The following PDE1C variants were observed in gnomAD, a reference collection of about 807,000 sequenced individuals.
The protein encoded by PDE1C is dual specificity calcium/calmodulin-dependent 3',5'-cyclic nucleotide phosphodiesterase 1C.
Under a neutral mutation model 93.1 loss-of-function variants are expected in PDE1C, and 62 were observed. That is an observed-to-expected ratio of 0.67 (90% confidence interval 0.54 to 0.82). The LOEUF (loss-of-function observed/expected upper bound fraction) is 0.82. PDE1C is among the 40% of genes least tolerant of loss of function. The pLI is 0.00. For synonymous variants in PDE1C, 325 were observed against 310.1 expected (o/e 1.05, Z -0.50); for missense variants, 742 against 884.6 (o/e 0.84, Z 2.04).
the PDE1C span, among the ~76,000 whole-genome samples, chr7:31,724,158 T>C: frequency 6.6e-6 from 1 of 152,206 alleles, no homozygotes; most frequent in African/African-American, 2.4e-5. Flanking sequence ...TGTTCTTTGG[T>C]GTCTTTGTGG....
At chr7:32,246,044 C>A (rs1428786392) in intron 1 of PDE1C, among the ~76,000 whole-genome samples, 1 of 145,300 alleles carries the variant, frequency 6.9e-6, no homozygotes, top group African/African-American at 2.5e-5. Flanking sequence ...TCAGAGCTCA[C>A]TGAAGCCTCG....
rs564169613 is a variant in PDE1C at position 32,207,958 on chromosome 7, G to C, written c.136+1531C>G. Among the ~76,000 whole-genome samples the C allele has an allele frequency of 4.3e-4, 65 of 152,288 alleles. 1 individual carries two copies. The highest frequency in any genetic ancestry group is 1.5e-3 in the African/African-American group (61 of 41,554). On this transcript the variant is annotated intron_variant, in intron 2 of 18. Coordinates refer to the PDE1C transcript ENST00000396193. The stretch of plus-strand genomic sequence containing the variant: ...ACGATTCATGCTTATTTATTTGCCT[G>C]ACAACTGCTCAGGAGATGAAGAAAA...
intron 3 of PDE1C, among the ~76,000 whole-genome samples, chr7:32,089,197 A>G (rs1229183594): frequency 2.6e-5 from 4 of 152,228 alleles, no homozygotes; most frequent in Non-Finnish European, 4.4e-5. Context: ...ATAGAAGTAT[A>G]GTACTATTTA....
intron 1 of PDE1C, among the ~76,000 whole-genome samples, chr7:32,304,801 T>G (rs528592828): frequency 6.6e-6 from 1 of 152,288 alleles, no homozygotes; most frequent in East Asian, 1.9e-4. Context: ...AGACTTACCC[T>G]GGACTCAACC....
chr7:32,104,877 C>G (rs1189675654), intron 3 of PDE1C, among the ~76,000 whole-genome samples: 1 of 152,190 alleles, frequency 6.6e-6, no homozygotes, highest in African/African-American at 2.4e-5. Context: ...TGATCCAGTT[C>G]AAATGCATGG....
At chr7:31,622,481 AC>A in the PDE1C span, among the ~76,000 whole-genome samples, 1 of 150,194 alleles carries the variant, frequency 6.7e-6, no homozygotes, top group African/African-American at 2.4e-5. Flanking sequence ...CTACATGGAA[AC>A]TGAACAACCT....
the PDE1C span, among the ~76,000 whole-genome samples, chr7:31,635,245 A>G: frequency 6.6e-6 from 1 of 152,336 alleles, no homozygotes; most frequent in East Asian, 1.9e-4. Context: ...TCCTACATCT[A>G]GATGTGCATA....
the PDE1C span, among the ~76,000 whole-genome samples, chr7:31,743,575 G>A: frequency 2.3e-3 from 335 of 147,944 alleles, no homozygotes; most frequent in African/African-American, 7.7e-3. Flanking sequence ...GTGTGTGTGC[G>A]CACACACACA....
chr7:32,214,868 G>C lies in PDE1C; in HGVS notation c.86-5329C>G, dbSNP rs186877569. 2.0e-5 allele frequency among the ~76,000 whole-genome samples: 3 copies of C among 152,206 alleles called. No individual in the cohort carries two copies. In the East Asian group the frequency reaches 5.8e-4, roughly 29 times the overall value. On this transcript the variant is annotated intron_variant, in intron 1 of 18. Transcript: ENST00000396193. ...TGGGCAGTGAACTAGACTCAAGGAG[G>C]GTTGCAACAATGGATTCCACCCAAC...
At chr7:31,619,861 A>T in the PDE1C span, among the ~76,000 whole-genome samples, 2 of 152,174 alleles carry the variant, frequency 1.3e-5, no homozygotes, top group African/African-American at 2.4e-5. Context: ...AGTCAAAGAA[A>T]GGGGTGACAG....
At chr7:31,874,193 A>T (rs1009750642) in intron 5 of PDE1C, among the ~76,000 whole-genome samples, 5 of 152,240 alleles carry the variant, frequency 3.3e-5, no homozygotes, top group Admixed American at 3.3e-4. Flanking sequence ...CACACACCTT[A>T]TATACCATCC....
At chr7:32,040,702 T>C (rs1345891433) in intron 2 of PDE1C, among the ~76,000 whole-genome samples, 2 of 152,146 alleles carry the variant, frequency 1.3e-5, no homozygotes, top group African/African-American at 4.8e-5. Context: ...AAACTAAAAA[T>C]GAAGACAAAC....
At chr7:31,641,187 G>T in the PDE1C span, among the ~76,000 whole-genome samples, 1,833 of 152,252 alleles carry the variant, frequency 0.012, 42 homozygotes, top group African/African-American at 0.042. Flanking sequence ...CTAAGCAGAG[G>T]CTGGGATCAT....
chr7:31,627,349 T>C, the PDE1C span, among the ~76,000 whole-genome samples: 1 of 152,114 alleles, frequency 6.6e-6, no homozygotes, highest in Non-Finnish European at 1.5e-5. Flanking sequence ...AAGATATTCT[T>C]TAGAGAATCA....
At chr7:31,756,440 A>G (rs1451399699) in intron 17 of PDE1C, among the ~76,000 whole-genome samples, 1 of 152,220 alleles carries the variant, frequency 6.6e-6, no homozygotes, top group Non-Finnish European at 1.5e-5. Flanking sequence ...ACCAAAAATT[A>G]GGGAAGTCTG....
intron 2 of PDE1C, among the ~76,000 whole-genome samples, chr7:31,936,989 A>G (rs968893713): frequency 5.9e-5 from 9 of 152,146 alleles, no homozygotes; most frequent in African/African-American, 2.2e-4. Context: ...CCCATCTCCA[A>G]ATGGGCAGGT....
At chr7:32,184,113 A>T (rs1803667100) in intron 2 of PDE1C, among the ~76,000 whole-genome samples, 2 of 152,234 alleles carry the variant, frequency 1.3e-5, no homozygotes, top group Admixed American at 6.5e-5. Flanking sequence ...ATCTCACACC[A>T]GTTAGAATGG....
chr7:32,427,264 T>C lies in PDE1C; in HGVS notation c.310+558A>G, dbSNP rs185110016. On this transcript the variant is annotated intron_variant, in intron 1 of 1. Transcript: ENST00000672256. Reference sequence around the variant, plus strand: ...AGTGAGACGGAATTATTATCATCCCTGTGTCACAGATGAAAAAACGGAGGC... The same window carrying C: ...AGTGAGACGGAATTATTATCATCCCCGTGTCACAGATGAAAAAACGGAGGC... Among the ~76,000 whole-genome samples the C allele has an allele frequency of 9.1e-4, 138 of 152,320 alleles. 1 individual carries two copies. In the Middle Eastern group the frequency reaches 0.017, roughly 19 times the overall value.
intron 17 of PDE1C, among the ~76,000 whole-genome samples, chr7:31,755,939 G>A (rs1794435307): frequency 6.6e-6 from 1 of 152,178 alleles, no homozygotes. Context: ...GCCGAGGCTG[G>A]CAGATCACTG....
Sources: allele counts gnomAD v4.1 joint callset (sites outside exome capture counted in the v4.1 genomes callset), GRCh38; gene constraint gnomAD v4.1.1; transcripts MANE v1.5; gene names NCBI Gene and HGNC (gene_info 2026-07-23, HGNC 2026-07-21).